TBL1Y: variants seen among roughly 807,000 people sequenced by gnomAD.
TBL1Y encodes F-box-like/WD repeat-containing protein TBL1Y.
In TBL1Y, 15 loss-of-function variants were observed where a neutral mutation model predicts 12.0. The ratio of observed to expected loss-of-function variants is 1.25; its 90% CI spans 0.83 to 1.92. The LOEUF (loss-of-function observed/expected upper bound fraction) is 1.92, where lower values mean the gene tolerates loss of function less well. TBL1Y is among the 40% of genes most tolerant of loss of function. TBL1Y has a pLI of 0.00. For synonymous variants in TBL1Y, 53 were observed against 42.6 expected (o/e 1.24, Z -0.95); for missense variants, 148 against 116.7 (o/e 1.27, Z -1.24).
chrY:7,000,473 A>G, intron 4 of TBL1Y, among the ~76,000 whole-genome samples: 1 of 33,754 alleles, frequency 3.0e-5, no homozygotes, highest in African/African-American at 1.2e-4. Flanking sequence ...TGATTCCCCA[A>G]TTCTTGTAAG....
intron 13 of TBL1Y, among the ~76,000 whole-genome samples, chrY:7,077,757 A>G (rs994488582): frequency 6.1e-5 from 2 of 32,928 alleles, no homozygotes; most frequent in African/African-American, 2.4e-4. Context: ...GGGTCCCTGC[A>G]CTAATGGACA....
At chrY:7,051,590 T>G in intron 7 of TBL1Y, among the ~76,000 whole-genome samples, 1 of 34,377 alleles carries the variant, frequency 2.9e-5, no homozygotes, top group African/African-American at 1.1e-4. Flanking sequence ...ATTAACCTTT[T>G]CAAATGTGTA....
chrY:6,961,007 T>A (rs2124116618), intron 2 of TBL1Y, among the ~76,000 whole-genome samples: 1 of 33,419 alleles, frequency 3.0e-5, no homozygotes, highest in South Asian at 6.9e-4. Context: ...TGATACCCAA[T>A]GGAAATGTTT....
At chrY:6,947,228 G>C in intron 2 of TBL1Y, among the ~76,000 whole-genome samples, 2 of 33,418 alleles carry the variant, frequency 6.0e-5, no homozygotes, top group Non-Finnish European at 1.5e-4. Context: ...ATTTTTAGCA[G>C]GTTGTGAAGT....
intron 7 of TBL1Y, among the ~76,000 whole-genome samples, chrY:7,062,924 T>G: frequency 2.9e-5 from 1 of 34,061 alleles, no homozygotes; most frequent in East Asian, 7.9e-4. Flanking sequence ...AGGAAATACT[T>G]TACCAGCTCC....
chrY:6,990,662 C>T (rs2012357234), intron 3 of TBL1Y, among the ~76,000 whole-genome samples: 1 of 27,757 alleles, frequency 3.6e-5, no homozygotes, highest in Non-Finnish European at 8.4e-5. Context: ...GGGCTCACAC[C>T]ATTCTCCTGC....
chrY:6,958,777 A>G (rs2012089743), intron 2 of TBL1Y, among the ~76,000 whole-genome samples: 1 of 33,992 alleles, frequency 2.9e-5, no homozygotes, highest in Non-Finnish European at 7.3e-5. Context: ...AGTAAAGAAT[A>G]ACAAGGCAGC....
intron 3 of TBL1Y, among the ~76,000 whole-genome samples, chrY:6,980,291 A>G: frequency 3.0e-5 from 1 of 33,857 alleles, no homozygotes; most frequent in African/African-American, 1.2e-4. Flanking sequence ...ATGCCTGGAA[A>G]AGGATTTGTT....
At chrY:7,059,401 C>T in intron 7 of TBL1Y, among the ~76,000 whole-genome samples, 1 of 33,006 alleles carries the variant, frequency 3.0e-5, no homozygotes, top group Non-Finnish European at 7.5e-5. Context: ...CCTGGGACTA[C>T]ACCCCACGAC....
intron 13 of TBL1Y, among the ~76,000 whole-genome samples, chrY:7,076,115 G>T: frequency 1.9e-4 from 6 of 32,210 alleles, no homozygotes; most frequent in Non-Finnish European, 1.5e-4. Flanking sequence ...TTTTAGTAGA[G>T]ATGGGGTTTT....
chrY:6,980,471 C>T, intron 3 of TBL1Y, among the ~76,000 whole-genome samples: 1 of 33,018 alleles, frequency 3.0e-5, no homozygotes, highest in Non-Finnish European at 7.4e-5. Context: ...CTGTCAGGGG[C>T]CTTGCTGTTC....
At chrY:6,995,752 A>C (rs777439059) in intron 3 of TBL1Y, 52 bp from the exon 4 acceptor site, 1 of 27,278 alleles carries the variant, frequency 3.7e-5, no homozygotes, top group Non-Finnish European at 8.5e-5. Context: ...CTCCTGGCTA[A>C]TTCAGGGTAG....
At chrY:6,997,822 C>T in intron 4 of TBL1Y, among the ~76,000 whole-genome samples, 1 of 34,196 alleles carries the variant, frequency 2.9e-5, no homozygotes, top group East Asian at 7.8e-4. Flanking sequence ...ACTCCAGTTT[C>T]AGCCCCTGTA....
chrY:7,037,009 A>G (rs2012696703), intron 6 of TBL1Y, among the ~76,000 whole-genome samples: 1 of 33,974 alleles, frequency 2.9e-5, no homozygotes, highest in Non-Finnish European at 7.3e-5. Context: ...CACTCATTAG[A>G]CACCAGCTAT....
At chrY:7,015,020 G>A in intron 4 of TBL1Y, among the ~76,000 whole-genome samples, 1 of 33,321 alleles carries the variant, frequency 3.0e-5, no homozygotes, top group Non-Finnish European at 7.4e-5. Flanking sequence ...AAAGTACCAT[G>A]TACTTTTATA....
At chrY:6,916,109 T>C (rs548931304) in intron 2 of TBL1Y, among the ~76,000 whole-genome samples, 1 of 32,761 alleles carries the variant, frequency 3.1e-5, no homozygotes, top group African/African-American at 1.2e-4. Context: ...CATAACTATT[T>C]TTCGTGTGAA....
At chrY:6,961,571 A>G in intron 2 of TBL1Y, among the ~76,000 whole-genome samples, 1 of 32,482 alleles carries the variant, frequency 3.1e-5, no homozygotes, top group African/African-American at 1.2e-4. Flanking sequence ...CACCTTACCT[A>G]TTTCCCATGT....
At chrY:7,086,068 G>T in intron 15 of TBL1Y, 96 bp downstream of exon 15, 3 of 272,861 alleles carry the variant, frequency 1.1e-5, no homozygotes, top group Non-Finnish European at 1.7e-5. Flanking sequence ...AGGATTATTT[G>T]TTACTGACCA....
chrY:7,004,041 C>T, intron 4 of TBL1Y, among the ~76,000 whole-genome samples: 1 of 33,527 alleles, frequency 3.0e-5, no homozygotes, highest in Non-Finnish European at 7.4e-5. Context: ...TGTGGTTAAC[C>T]TTGACATAAG....
Sources: allele counts gnomAD v4.1 joint callset (sites outside exome capture counted in the v4.1 genomes callset), GRCh38; gene constraint gnomAD v4.1.1; transcripts MANE v1.5; gene names NCBI Gene and HGNC (gene_info 2026-07-23, HGNC 2026-07-21).